The following GSG1L variants were observed in gnomAD, a reference collection of about 807,000 sequenced individuals.
The protein encoded by GSG1L is GSG1 like.
In GSG1L, 24 loss-of-function variants were observed where a neutral mutation model predicts 42.1. The ratio of observed to expected loss-of-function variants is 0.57; its 90% CI spans 0.41 to 0.80. The LOEUF is 0.80. GSG1L is among the 30% of genes least tolerant of loss of function. GSG1L has a pLI of 0.00. For synonymous variants in GSG1L, 215 were observed against 203.5 expected (o/e 1.06, Z -0.48); for missense variants, 445 against 472.2 (o/e 0.94, Z 0.53).
At chr16:27,866,665 A>G (rs2083729684) in intron 3 of GSG1L, among the ~76,000 whole-genome samples, 1 of 152,056 alleles carries the variant, frequency 6.6e-6, no homozygotes, top group Non-Finnish European at 1.5e-5. Context: ...TCCGCCCCCC[A>G]GGTTCAAGCC....
chr16:27,822,225 C>T (rs886370125), intron 5 of GSG1L, among the ~76,000 whole-genome samples: 4 of 152,070 alleles, frequency 2.6e-5, no homozygotes, highest in Non-Finnish European at 5.9e-5. Context: ...AATTGAAGCT[C>T]GGAGAGGTGA....
chr16:28,044,276 C>T (rs1413724116), intron 1 of GSG1L, among the ~76,000 whole-genome samples: 1 of 151,326 alleles, frequency 6.6e-6, no homozygotes, highest in East Asian at 1.9e-4. Flanking sequence ...CTTTGGGAGG[C>T]CAAAGCAGGA....
At chr16:27,892,297 T>G (rs2084138687) in intron 2 of GSG1L, among the ~76,000 whole-genome samples, 2 of 150,736 alleles carry the variant, frequency 1.3e-5, no homozygotes, top group South Asian at 4.2e-4. Context: ...TCTACAAAAA[T>G]TTTAAAAATT....
chr16:27,853,171 C>T (rs532545915), intron 3 of GSG1L, among the ~76,000 whole-genome samples: 4 of 152,220 alleles, frequency 2.6e-5, no homozygotes, highest in Non-Finnish European at 5.9e-5. Flanking sequence ...CTGAACGTAT[C>T]TAAAATATCC....
intron 1 of GSG1L, among the ~76,000 whole-genome samples, chr16:28,038,514 G>A (rs1214711907): frequency 6.6e-6 from 1 of 152,130 alleles, no homozygotes. Context: ...GGGGTGGAGG[G>A]AAGTGGGGAC....
At chr16:28,027,045 G>A (rs2085908167) in intron 1 of GSG1L, among the ~76,000 whole-genome samples, 1 of 152,204 alleles carries the variant, frequency 6.6e-6, no homozygotes. Context: ...TAGCACCACT[G>A]CACTCAGAAG....
At chr16:27,823,939 C>T (rs2083177795) in intron 5 of GSG1L, 4 of 702,796 alleles carry the variant, frequency 5.7e-6, no homozygotes, top group Middle Eastern at 2.3e-4. Context: ...GTGACAATAA[C>T]ACTTACACAT....
At chr16:27,819,782 A>C (rs889194588) in intron 5 of GSG1L, among the ~76,000 whole-genome samples, 15 of 152,168 alleles carry the variant, frequency 9.9e-5, no homozygotes, top group African/African-American at 3.6e-4. Context: ...TTTAGGCAGA[A>C]AGATGGGGGT....
chr16:27,873,220 T>A (rs544836481), intron 3 of GSG1L, among the ~76,000 whole-genome samples: 1 of 152,230 alleles, frequency 6.6e-6, no homozygotes, highest in Non-Finnish European at 1.5e-5. Flanking sequence ...AATCCAAATG[T>A]TTTTTGCAAC....
intron 2 of GSG1L, among the ~76,000 whole-genome samples, chr16:27,886,001 A>C (rs556954043): frequency 4.7e-4 from 72 of 152,308 alleles, no homozygotes; most frequent in African/African-American, 1.7e-3. Flanking sequence ...CTCTCTGTCT[A>C]CATGGATGCT....
At chr16:27,944,497 C>T (rs181188805) in intron 2 of GSG1L, among the ~76,000 whole-genome samples, 1 of 151,928 alleles carries the variant, frequency 6.6e-6, no homozygotes, top group East Asian at 1.9e-4. Flanking sequence ...TGGCATGTAC[C>T]CATAATCCCA....
chr16:27,897,850 C>T (rs1029590946), intron 2 of GSG1L, among the ~76,000 whole-genome samples: 6 of 152,194 alleles, frequency 3.9e-5, no homozygotes, highest in Non-Finnish European at 8.8e-5. Flanking sequence ...CTACCAATCT[C>T]ACAGGATTTT....
At chr16:28,043,039 G>A (rs772729516) in intron 1 of GSG1L, among the ~76,000 whole-genome samples, 6 of 152,192 alleles carry the variant, frequency 3.9e-5, no homozygotes, top group Non-Finnish European at 5.9e-5. Flanking sequence ...TAGTGGCACC[G>A]AGCTCCAGAA....
chr16:27,881,889 C>T (rs2083961366), intron 3 of GSG1L, among the ~76,000 whole-genome samples: 1 of 152,140 alleles, frequency 6.6e-6, no homozygotes. Flanking sequence ...CTCACCCATT[C>T]TCCACTTAGG....
intron 2 of GSG1L, among the ~76,000 whole-genome samples, chr16:27,958,187 C>T (rs1425172990): frequency 6.6e-6 from 1 of 151,976 alleles, no homozygotes; most frequent in Non-Finnish European, 1.5e-5. Flanking sequence ...GCAGGCCCAC[C>T]TGAGGTCAGG....
chr16:27,791,312 G>A lies in GSG1L; in HGVS notation c.*58C>T. ...CTGGGGGCACCACTCTGGTGGTCTTGCAGCAGGGGCTGGTGCCAGCGATGG... is the reference window on the plus strand; with the variant it reads ...CTGGGGGCACCACTCTGGTGGTCTTACAGCAGGGGCTGGTGCCAGCGATGG... On this transcript the variant is annotated 3_prime_UTR_variant, in exon 7 of 7. Transcript: ENST00000447459. 8.7e-7 allele frequency: 1 copy of A among 1,150,444 alleles called. No homozygotes were observed. The highest frequency in any genetic ancestry group is 2.5e-5 in the South Asian group (1 of 40,750). 71.3% of individuals were successfully genotyped at this position (1,150,444 alleles called of 1,614,324 possible).
chr16:27,827,633 T>C (rs2083225602), intron 5 of GSG1L, among the ~76,000 whole-genome samples: 1 of 152,042 alleles, frequency 6.6e-6, no homozygotes, highest in African/African-American at 2.4e-5. Flanking sequence ...AAATTTCTGG[T>C]TTCAGGCTGC....
intron 2 of GSG1L, among the ~76,000 whole-genome samples, chr16:27,929,117 G>A (rs112931322): frequency 6.6e-6 from 1 of 152,184 alleles, no homozygotes; most frequent in African/African-American, 2.4e-5. Flanking sequence ...AACCTCCCCA[G>A]GTAGTTCCAA....
At chr16:27,802,798 G>T (rs570185169) in intron 6 of GSG1L, among the ~76,000 whole-genome samples, 16 of 152,014 alleles carry the variant, frequency 1.1e-4, no homozygotes, top group Non-Finnish European at 1.9e-4. Context: ...GAGAATACAG[G>T]CTTGCACCAC....
Sources: allele counts gnomAD v4.1 joint callset (sites outside exome capture counted in the v4.1 genomes callset), GRCh38; gene constraint gnomAD v4.1.1; transcripts MANE v1.5; gene names NCBI Gene and HGNC (gene_info 2026-07-23, HGNC 2026-07-21).